RBM19: variants seen among roughly 807,000 people sequenced by gnomAD.
RBM19 encodes the protein RNA binding motif protein 19, also known as probable RNA-binding protein 19.
Under a neutral mutation model 116.8 loss-of-function variants are expected in RBM19, and 94 were observed. The ratio of observed to expected loss-of-function variants is 0.80; its 90% confidence interval spans 0.68 to 0.95. RBM19 has a LOEUF of 0.95. RBM19 is among the 40% of genes least tolerant of loss of function. The pLI, the probability that RBM19 is intolerant of heterozygous loss-of-function variation, is 0.00. For missense variants in RBM19, 1,161 were observed against 1,220.7 expected (o/e 0.95, Z 0.73); for synonymous variants, 475 against 494.1 (o/e 0.96, Z 0.51).
At chr12:113,850,097 C>A (rs547661762) in intron 22 of RBM19, among the ~76,000 whole-genome samples, 1 of 152,226 alleles carries the variant, frequency 6.6e-6, no homozygotes, top group African/African-American at 2.4e-5. Flanking sequence ...CTGGGGGCTT[C>A]GCCATCCCTG....
chr12:113,942,272 T>C lies in RBM19; in HGVS notation c.1737+52A>G, dbSNP rs922745407. The stretch of plus-strand genomic sequence containing the variant: ...ATCTGCATCTCCCCTGGAAAGGCCA[T>C]TCTCGACTCTCCAGTGGCTGCTGGC... On this transcript the variant is annotated intron_variant, in intron 14 of 23. Coordinates refer to ENST00000261741, the MANE Select transcript of RBM19 (RefSeq NM_016196.4). 17 of 1,515,654 alleles carry C rather than the reference T, an allele frequency of 1.1e-5. No homozygotes were observed. In the African/African-American group the frequency reaches 1.7e-4, roughly 15 times the overall value. 93.9% of individuals were successfully genotyped at this position (1,515,654 alleles called of 1,614,324 possible).
In RBM19 at chr12:113,904,035, G is replaced by A. The variant is rs377172026; in HGVS notation, c.2558+10934C>T. On this transcript the variant is annotated intron_variant, in intron 21 of 23. Transcript: ENST00000261741. The stretch of plus-strand genomic sequence containing the variant: ...TTGAAATAAAAAGATATGAGGCAAG[G>A]ACTCCTACATTCTGTCTTGGGGCCA... Among the ~76,000 whole-genome samples the A allele has an allele frequency of 2.0e-5, 3 of 152,282 alleles. No homozygotes were observed. The East Asian group carries it at 5.8e-4, about 29-fold the overall frequency.
intron 4 of RBM19, 49 bp downstream of exon 4, chr12:113,959,816 C>T (rs765954298): frequency 5.8e-5 from 93 of 1,604,312 alleles, no homozygotes; most frequent in Middle Eastern, 5.0e-4. Context: ...CCACCCTCTT[C>T]CACCTGCTGC....
At chr12:113,859,371 C>T (rs542698185) in intron 21 of RBM19, among the ~76,000 whole-genome samples, 1 of 152,286 alleles carries the variant, frequency 6.6e-6, no homozygotes, top group East Asian at 1.9e-4. Flanking sequence ...ACATGGCGAC[C>T]CCAGGCTGAG....
intron 21 of RBM19, among the ~76,000 whole-genome samples, chr12:113,879,667 C>A (rs1279283673): frequency 6.6e-6 from 1 of 151,966 alleles, no homozygotes; most frequent in Non-Finnish European, 1.5e-5. Flanking sequence ...CACTGTTCTG[C>A]CTTGATCCCT....
chr12:113,899,625 C>G (rs916908117), intron 21 of RBM19, among the ~76,000 whole-genome samples: 1 of 152,210 alleles, frequency 6.6e-6, no homozygotes, highest in East Asian at 1.9e-4. Context: ...AACCTAGCAC[C>G]TGGCGCAGTC....
intron 16 of RBM19, chr12:113,927,506 C>T: frequency 3.0e-6 from 1 of 336,800 alleles, no homozygotes; most frequent in Non-Finnish European, 5.4e-6. Flanking sequence ...CCAGCTCACA[C>T]TAATTTGAAC....
chr12:113,906,143 A>G (rs554458762), intron 21 of RBM19, among the ~76,000 whole-genome samples: 1 of 152,400 alleles, frequency 6.6e-6, no homozygotes, highest in South Asian at 2.1e-4. Flanking sequence ...ACAGGGACAC[A>G]TGCATGTGGA....
intron 23 of RBM19, among the ~76,000 whole-genome samples, chr12:113,839,392 C>T (rs937249107): frequency 6.6e-6 from 1 of 152,216 alleles, no homozygotes; most frequent in African/African-American, 2.4e-5. Flanking sequence ...GAGAGACTGA[C>T]ATCTCTAGCA....
intron 4 of RBM19, 52 bp downstream of exon 4, chr12:113,959,813 C>T: frequency 1.2e-6 from 2 of 1,600,448 alleles, no homozygotes; most frequent in South Asian, 2.2e-5. Context: ...TCTCCACCCT[C>T]TTCCACCTGC....
intron 21 of RBM19, among the ~76,000 whole-genome samples, chr12:113,889,647 C>T (rs997792426): frequency 2.1e-5 from 3 of 141,364 alleles, no homozygotes; most frequent in African/African-American, 5.5e-5. Flanking sequence ...GTTTTTCATA[C>T]TAAAAAAACA....
chr12:113,817,953 G>C (rs1874159170), downstream of RBM19: 1 of 152,120 alleles, frequency 6.6e-6, no homozygotes, highest in Non-Finnish European at 1.5e-5. Flanking sequence ...AATTAGCCGG[G>C]CGTGGTGGCT....
chr12:113,861,449 G>A (rs1033140294), intron 21 of RBM19, among the ~76,000 whole-genome samples: 16 of 147,990 alleles, frequency 1.1e-4, no homozygotes, highest in African/African-American at 3.8e-4. Flanking sequence ...AATGACCTCT[G>A]CCCAGATTTC....
chr12:113,904,319 A>G (rs758047607), intron 21 of RBM19, among the ~76,000 whole-genome samples: 51 of 152,134 alleles, frequency 3.4e-4, no homozygotes, highest in Admixed American at 5.9e-4. Context: ...TGGGCACATG[A>G]AAGAGTTAAA....
intron 16 of RBM19, among the ~76,000 whole-genome samples, chr12:113,927,692 T>C (rs770946807): frequency 1.3e-5 from 2 of 151,862 alleles, no homozygotes; most frequent in Non-Finnish European, 2.9e-5. Flanking sequence ...GAACAAAACT[T>C]AGGAAGAGTC....
chr12:113,863,961 T>C (rs555761561), intron 21 of RBM19, among the ~76,000 whole-genome samples: 4 of 152,308 alleles, frequency 2.6e-5, no homozygotes, highest in Middle Eastern at 3.4e-3. Context: ...CCCTGCAGCA[T>C]GTTAGCACCT....
chr12:113,849,067 T>C (rs1030434903), intron 22 of RBM19, among the ~76,000 whole-genome samples: 1 of 152,346 alleles, frequency 6.6e-6, no homozygotes, highest in South Asian at 2.1e-4. Context: ...CCTTTTGGCC[T>C]CTACACGTTG....
intron 5 of RBM19, among the ~76,000 whole-genome samples, chr12:113,958,572 G>A (rs1357944376): frequency 4.0e-5 from 6 of 151,898 alleles, no homozygotes; most frequent in African/African-American, 7.3e-5. Context: ...CTCCCCTACC[G>A]TGTCCCACTA....
intron 21 of RBM19, among the ~76,000 whole-genome samples, chr12:113,871,869 C>T (rs1414726300): frequency 6.6e-6 from 1 of 152,004 alleles, no homozygotes; most frequent in Non-Finnish European, 1.5e-5. Context: ...ACGGGCCCCG[C>T]GGGGCCGGAG....
Sources: gnomAD v4.1 joint callset for allele counts (sites outside exome capture counted in the v4.1 genomes callset) on GRCh38, gnomAD v4.1.1 for gene constraint, MANE v1.5 for transcripts, NCBI Gene and HGNC (gene_info 2026-07-23, HGNC 2026-07-21) for gene names.